Variants in VPS37C observed in about 807,000 individuals in gnomAD.
VPS37C encodes VPS37C subunit of ESCRT-I, also known as vacuolar protein sorting-associated protein 37C.
In VPS37C, 9 loss-of-function variants were observed where a neutral mutation model predicts 16.1. The ratio of observed to expected loss-of-function variants is 0.56; its 90% CI spans 0.34 to 0.97. The LOEUF is 0.97. VPS37C is among the 50% of genes least tolerant of loss of function. The probability of loss-of-function intolerance (pLI) is 0.02; values close to 1 mark genes in which losing one functional copy is unlikely to be tolerated. For synonymous variants in VPS37C, 207 were observed against 206.4 expected, an observed-to-expected ratio of 1.00 and a Z score of -0.02; for missense variants, 479 against 472.7, an observed-to-expected ratio of 1.01 and a Z score of -0.12.
rs1330057953 is a variant in VPS37C at position 61,133,340 on chromosome 11, G to A, written c.266-3C>T. ...CTGCAGTGCTGAAGAAAATTTCTCT[G>A]GAAGGGAGGGCAGAACGACTGACAT... On this transcript the variant is annotated splice_region_variant and splice_polypyrimidine_tract_variant and intron_variant, in intron 3 of 4. Coordinates refer to ENST00000301765, the MANE Select transcript of VPS37C (RefSeq NM_017966.5). The A allele has an allele frequency of 6.2e-7, 1 of 1,613,804 alleles. No homozygotes were observed. The highest frequency in any genetic ancestry group is 1.7e-5 in the Admixed American group (1 of 60,002).
intron 1 of VPS37C, among the ~76,000 whole-genome samples, chr11:61,148,578 T>TAAAAAAAAACAAAAAAAAAAA (rs1853251503): frequency 7.0e-6 from 1 of 143,600 alleles, no homozygotes. Flanking sequence ...CACAGGAGGT[T>TAAAAAAAAACAAAAAAAAAAA]AAAAAAAAAA....
At chr11:61,137,248 T>G (rs149072634) in intron 2 of VPS37C, among the ~76,000 whole-genome samples, 1 of 152,110 alleles carries the variant, frequency 6.6e-6, no homozygotes, top group East Asian at 1.9e-4. Flanking sequence ...ACAATCCCAC[T>G]GTGACTCAAT....
chr11:61,160,609 G>C (rs976190083), intron 1 of VPS37C, among the ~76,000 whole-genome samples: 3 of 152,190 alleles, frequency 2.0e-5, no homozygotes, highest in African/African-American at 7.2e-5. Context: ...CAGACAAGGT[G>C]TAGCTGGGAA....
At chr11:61,134,363 A>T (rs1271964749) in intron 2 of VPS37C, among the ~76,000 whole-genome samples, 156 bp from the exon 3 acceptor site, 1 of 152,188 alleles carries the variant, frequency 6.6e-6, no homozygotes, top group Non-Finnish European at 1.5e-5. Flanking sequence ...AGACAAAGCC[A>T]GGTTCAAACC....
chr11:61,150,042 A>C (rs1853273794), intron 1 of VPS37C, among the ~76,000 whole-genome samples: 1 of 152,020 alleles, frequency 6.6e-6, no homozygotes, highest in Non-Finnish European at 1.5e-5. Flanking sequence ...TCCGTCCCCT[A>C]AAGGGACTCC....
chr11:61,136,161 ATTTT>A (rs34085615), intron 2 of VPS37C, among the ~76,000 whole-genome samples: 1 of 109,352 alleles, frequency 9.1e-6, no homozygotes, highest in Non-Finnish European at 1.8e-5. Flanking sequence ...TTAATTACAC[ATTTT>A]TTTTTTTTTT....
chr11:61,157,312 C>T (rs1274808252), intron 1 of VPS37C, among the ~76,000 whole-genome samples: 10 of 152,168 alleles, frequency 6.6e-5, no homozygotes, highest in African/African-American at 1.9e-4. Context: ...GAGGAACTGC[C>T]ATACTATTTG....
chr11:61,143,966 TA>T lies in VPS37C; in HGVS notation c.-6-5132del, dbSNP rs1449412798. 1.4e-3 allele frequency: 198 copies of T among 145,472 alleles called. 7 individuals are homozygous for T. Among genetic ancestry groups the T allele is most frequent in the African/African-American group, 3.9e-3 (152 of 39,206 alleles). 9.0% of individuals were successfully genotyped at this position (145,472 alleles called of 1,614,324 possible). On this transcript the variant is annotated intron_variant, in intron 1 of 4. Coordinates refer to ENST00000301765, the MANE Select transcript of VPS37C (RefSeq NM_017966.5). The stretch of plus-strand genomic sequence containing the variant: ...TGAGCGACCACGCCCGGCCGATTCT[TA>T]ATTTTTTTTTTTTTTTTTTGAGACG...
At chr11:61,151,174 AC>A (rs1324033627) in intron 1 of VPS37C, among the ~76,000 whole-genome samples, 1 of 152,172 alleles carries the variant, frequency 6.6e-6, no homozygotes, top group Non-Finnish European at 1.5e-5. Context: ...TCCACAGAAC[AC>A]CAGGCCTGGC....
At chr11:61,157,268 C>G (rs968156687) in intron 1 of VPS37C, among the ~76,000 whole-genome samples, 8 of 152,214 alleles carry the variant, frequency 5.3e-5, no homozygotes, top group African/African-American at 1.9e-4. Context: ...AGTGGAATTG[C>G]TAGATGATAT....
chr11:61,131,473 T>G lies in VPS37C; in HGVS notation c.*347A>C, dbSNP rs1364775215. 1 of 226,810 alleles carries G rather than the reference T, an allele frequency of 4.4e-6. No homozygotes were observed. The highest frequency in any genetic ancestry group is 2.3e-5 in the African/African-American group (1 of 44,354). The allele number at this position is 226,810 out of a possible 1,614,324, so 14.0% of individuals were successfully genotyped here. On this transcript the variant is annotated 3_prime_UTR_variant, in exon 5 of 5. Transcript: ENST00000301765. ...CCTCCTCATAGAGATAACTCTGCAC[T>G]GGGTTCAAATGGCCCTGAGTGCAGC...
chr11:61,146,516 C>G (rs1034377125), intron 1 of VPS37C, among the ~76,000 whole-genome samples: 3 of 152,240 alleles, frequency 2.0e-5, no homozygotes, highest in African/African-American at 7.2e-5. Flanking sequence ...CAGGGGCCTG[C>G]GCATGCCATG....
chr11:61,155,330 G>T (rs1853361567), intron 1 of VPS37C, among the ~76,000 whole-genome samples: 1 of 151,288 alleles, frequency 6.6e-6, no homozygotes, highest in Non-Finnish European at 1.5e-5. Context: ...CAAAAATAAA[G>T]AATAATCATT....
chr11:61,131,825 A>AC lies in VPS37C; in HGVS notation c.1062dup (p.Tyr355ValfsTer97). 1 of 1,167,986 alleles carries AC rather than the reference A, an allele frequency of 8.6e-7. No homozygotes were observed. Among genetic ancestry groups the AC allele is most frequent in the Non-Finnish European group, 1.1e-6 (1 of 946,606 alleles). 72.4% of individuals were successfully genotyped at this position (1,167,986 alleles called of 1,614,324 possible). ...GCCGAGGGCCAGGAGTGTGTCTAAT[A>AC]CCCAGGCCAGGCAGGCCCCGGCGGT... On this transcript the variant is annotated frameshift_variant, in exon 5 of 5. Transcript: ENST00000301765. LOFTEE classifies it high-confidence loss of function.
chr11:61,156,894 C>G lies in VPS37C; in HGVS notation c.-7+4497G>C, dbSNP rs150460499. Among the ~76,000 whole-genome samples the G allele has an allele frequency of 9.0e-3, 1,376 of 152,330 alleles. 8 individuals carry two copies. The highest frequency in any genetic ancestry group is 0.015 in the Non-Finnish European group (1,042 of 68,016). Reference sequence around the variant, plus strand: ...ACCCATTAAGCACTAACTTCCCATTCTCCTTTTCTCCCGTCTTCTGGCAAC... The same window carrying G: ...ACCCATTAAGCACTAACTTCCCATTGTCCTTTTCTCCCGTCTTCTGGCAAC... On this transcript the variant is annotated intron_variant, in intron 1 of 4. Transcript: ENST00000301765.
chr11:61,133,374 T>A, intron 3 of VPS37C, 37 bp from the exon 4 acceptor site: 1 of 1,605,182 alleles, frequency 6.2e-7, no homozygotes, highest in Non-Finnish European at 8.5e-7. Context: ...ATTTGAAAAG[T>A]GCTTCCTGAT....
At chr11:61,151,243 A>T (rs535209458) in intron 1 of VPS37C, among the ~76,000 whole-genome samples, 69 of 152,296 alleles carry the variant, frequency 4.5e-4, no homozygotes, top group African/African-American at 1.5e-3. Flanking sequence ...TAGACCCCTG[A>T]AGAGTAGGAT....
In VPS37C at chr11:61,132,073, T is replaced by C; in HGVS notation, c.815A>G (p.Tyr272Cys). The change falls in exon 5 of 5, where the codon TAT becomes TGT. Residue 272 changes from tyrosine to cysteine, a missense_variant. Tyr to Cys is a radical substitution (Grantham distance 194). Coordinates refer to ENST00000301765, the MANE Select transcript of VPS37C (RefSeq NM_017966.5). ...AGAGGCACCCATTGGGGTCCCAGGATAGCCCGGCCGGGGTGGCATGCTCCT... is the reference window on the plus strand; with the variant it reads ...AGAGGCACCCATTGGGGTCCCAGGACAGCCCGGCCGGGGTGGCATGCTCCT... ...PQRSMPPRPGYPGTPMGASGP... is the reference protein window; with the variant it reads ...PQRSMPPRPGCPGTPMGASGP... 7.2e-7 allele frequency: 1 copy of C among 1,397,278 alleles called. No individual in the cohort carries two copies. The highest frequency in any genetic ancestry group is 1.7e-5 in the South Asian group (1 of 59,014). The allele number at this position is 1,397,278 out of a possible 1,614,324, so 86.6% of individuals were successfully genotyped here.
rs1720888508 is a variant in VPS37C, at chr11:61,131,603, A to C, written c.*217T>G. 1.7e-6 allele frequency: 1 copy of C among 577,478 alleles called. No homozygotes were observed. Among genetic ancestry groups the C allele is most frequent in the African/African-American group, 1.9e-5 (1 of 51,918 alleles). 35.8% of individuals were successfully genotyped at this position (577,478 alleles called of 1,614,324 possible). ...AGCACCGCTGCAGCCAGGCACTGAA[A>C]GGAGGGGCTTCCAGGAGGACCTCTG... On this transcript the variant is annotated 3_prime_UTR_variant, in exon 5 of 5. Coordinates refer to ENST00000301765, the MANE Select transcript of VPS37C (RefSeq NM_017966.5).
Sources: gnomAD v4.1 joint callset for allele counts (sites outside exome capture counted in the v4.1 genomes callset) on GRCh38, gnomAD v4.1.1 for gene constraint, MANE v1.5 for transcripts, NCBI Gene and HGNC (gene_info 2026-07-23, HGNC 2026-07-21) for gene names.